Variants in MYT1L observed in about 807,000 individuals in gnomAD.
The protein encoded by MYT1L is myelin transcription factor 1 like.
MYT1L carries 12 observed loss-of-function variants against 126.7 expected under a neutral mutation model. The ratio of observed to expected loss-of-function variants is 0.09; its 90% CI spans 0.06 to 0.15. The LOEUF is 0.15. MYT1L is among the 10% of genes least tolerant of loss of function. The pLI is 1.00. For synonymous variants in MYT1L, 541 were observed against 604.2 expected, an observed-to-expected ratio of 0.90 and a Z score of 1.53; for missense variants, 979 against 1,585.2, an observed-to-expected ratio of 0.62 and a Z score of 6.49.
chr2:2,178,148 A>G (rs2091035587), intron 2 of MYT1L, among the ~76,000 whole-genome samples: 1 of 152,156 alleles, frequency 6.6e-6, no homozygotes, highest in Non-Finnish European at 1.5e-5. Flanking sequence ...TTTATGTAAC[A>G]AAATAAACTG....
chr2:2,308,849 G>A (rs962292284), intron 1 of MYT1L, among the ~76,000 whole-genome samples: 5 of 150,020 alleles, frequency 3.3e-5, no homozygotes, highest in African/African-American at 4.9e-5. Flanking sequence ...CAGTACATTC[G>A]ACCTATATCC....
chr2:1,830,820 C>T (rs1195927470), intron 21 of MYT1L, among the ~76,000 whole-genome samples: 1 of 149,114 alleles, frequency 6.7e-6, no homozygotes, highest in Non-Finnish European at 1.5e-5. Flanking sequence ...CTGTCCTCGC[C>T]TGCTGGCTGG....
chr2:2,255,346 G>T (rs527461041), intron 2 of MYT1L, among the ~76,000 whole-genome samples: 113 of 152,184 alleles, frequency 7.4e-4, no homozygotes, highest in Non-Finnish European at 1.3e-3. Context: ...TGGGGGGGTT[G>T]TTAGTTTTTA....
intron 3 of MYT1L, among the ~76,000 whole-genome samples, chr2:2,071,709 A>G (rs2074622834): frequency 6.6e-6 from 1 of 152,210 alleles, no homozygotes; most frequent in Non-Finnish European, 1.5e-5. Context: ...TAAAGTATGG[A>G]AGGATAGGTG....
chr2:1,825,973 G>A (rs1572595682), intron 21 of MYT1L: 1 of 152,328 alleles, frequency 6.6e-6, no homozygotes, highest in Non-Finnish European at 1.5e-5. Flanking sequence ...TGAGGCCACC[G>A]GCTGTGTGGC....
chr2:1,822,132 CA>C (rs1274544757), intron 21 of MYT1L, among the ~76,000 whole-genome samples: 4 of 152,200 alleles, frequency 2.6e-5, no homozygotes, highest in Non-Finnish European at 4.4e-5. Flanking sequence ...TCTCCCTCCC[CA>C]ACAGCTCCTC....
Position 1,943,653 on chromosome 2 carries a change from A to T in MYT1L, c.153-319T>A, listed in dbSNP as rs1195961824. On this transcript the variant is annotated intron_variant, in intron 8 of 24. Transcript: ENST00000647738. This position sits in a 1 kb window ranked among gnomAD's most constrained non-coding sequence, Gnocchi z 4.4. ...CATGAGATTGGTTTGCATAATGTGT[A>T]TAACATGTAATTGACAATACAAATT... 6.6e-6 allele frequency among the ~76,000 whole-genome samples: 1 copy of T among 152,224 alleles called. No homozygotes were observed. The highest frequency in any genetic ancestry group is 1.5e-5 in the Non-Finnish European group (1 of 68,036).
intron 18 of MYT1L, among the ~76,000 whole-genome samples, chr2:1,856,144 T>G (rs1404656616): frequency 6.6e-6 from 1 of 152,138 alleles, no homozygotes; most frequent in Non-Finnish European, 1.5e-5. Context: ...ACAGGGACGC[T>G]CAGAAGCATT....
chr2:2,013,558 T>C (rs2064050060), intron 4 of MYT1L, among the ~76,000 whole-genome samples: 1 of 152,238 alleles, frequency 6.6e-6, no homozygotes, highest in South Asian at 2.1e-4. Context: ...AGATGCATGT[T>C]GCCATGCTCA....
At chr2:2,096,544 A>C (rs2077488948) in intron 3 of MYT1L, among the ~76,000 whole-genome samples, 1 of 152,132 alleles carries the variant, frequency 6.6e-6, no homozygotes, top group Non-Finnish European at 1.5e-5. Flanking sequence ...CATTCTGTGC[A>C]CTCTAACTTT....
chr2:2,165,783 G>A (rs937920173), intron 3 of MYT1L, among the ~76,000 whole-genome samples: 7 of 151,758 alleles, frequency 4.6e-5, no homozygotes, highest in Non-Finnish European at 7.4e-5. Flanking sequence ...TATTGAAGAA[G>A]TAAATAAGTA....
chr2:2,280,296 G>T (rs2149396196), intron 2 of MYT1L, among the ~76,000 whole-genome samples: 1 of 152,296 alleles, frequency 6.6e-6, no homozygotes, highest in African/African-American at 2.4e-5. Context: ...TGGTTGTATG[G>T]TTCACAGCTT....
At chr2:2,139,948 C>T (rs991013056) in intron 3 of MYT1L, among the ~76,000 whole-genome samples, 1 of 152,072 alleles carries the variant, frequency 6.6e-6, no homozygotes, top group African/African-American at 2.4e-5. Flanking sequence ...GATTGGGGAG[C>T]AAGGATCGGT....
intron 3 of MYT1L, among the ~76,000 whole-genome samples, chr2:2,126,090 G>A (rs2081653320): frequency 6.6e-6 from 1 of 152,128 alleles, no homozygotes; most frequent in South Asian, 2.1e-4. Flanking sequence ...AGTAGGGGCG[G>A]GATAAGAGCT....
intron 18 of MYT1L, among the ~76,000 whole-genome samples, chr2:1,878,474 T>C (rs1442201354): frequency 6.6e-6 from 1 of 152,240 alleles, no homozygotes; most frequent in African/African-American, 2.4e-5. Context: ...TAATTTCTCT[T>C]GTTCTTTGTG....
Position 2,224,131 on chromosome 2 carries a change from G to T in MYT1L, c.-420-51143C>A, listed in dbSNP as rs866755389. On this transcript the variant is annotated intron_variant, in intron 2 of 24. Coordinates refer to ENST00000647738, the MANE Select transcript of MYT1L (RefSeq NM_001303052.2). The surrounding 1 kb of genome is among the most constrained non-coding windows in gnomAD (Gnocchi z 4.0). ...ATCTAAGGAGGACAAGCCTGTCTGAGGGCATAACCCCACTTCCAGTGAGCC... is the reference window on the plus strand; with the variant it reads ...ATCTAAGGAGGACAAGCCTGTCTGATGGCATAACCCCACTTCCAGTGAGCC... 2.6e-5 allele frequency among the ~76,000 whole-genome samples: 4 copies of T among 152,162 alleles called. No individual in the cohort carries two copies. The highest frequency in any genetic ancestry group is 9.7e-5 in the African/African-American group (4 of 41,438).
chr2:2,139,774 G>T (rs1468946197), intron 3 of MYT1L, among the ~76,000 whole-genome samples: 2 of 152,194 alleles, frequency 1.3e-5, no homozygotes, highest in Non-Finnish European at 2.9e-5. Context: ...TCATTGGCAA[G>T]TGCTGCTTAC....
intron 3 of MYT1L, among the ~76,000 whole-genome samples, chr2:2,150,954 G>C (rs1048836456): frequency 3.3e-5 from 5 of 151,808 alleles, no homozygotes; most frequent in South Asian, 2.1e-4. Flanking sequence ...CAAAAGAATG[G>C]AAAAAGACAA....
intron 5 of MYT1L, among the ~76,000 whole-genome samples, chr2:1,988,726 C>T (rs1330720286): frequency 6.6e-6 from 1 of 152,216 alleles, no homozygotes; most frequent in Non-Finnish European, 1.5e-5. Context: ...TTTTACAGAG[C>T]TTGGTGCATA....
Sources: allele counts gnomAD v4.1 joint callset (sites outside exome capture counted in the v4.1 genomes callset), GRCh38; gene constraint gnomAD v4.1.1; non-coding constraint Gnocchi (gnomAD v3.1); transcripts MANE v1.5; gene names NCBI Gene and HGNC (gene_info 2026-07-23, HGNC 2026-07-21).